EFHB: variants seen among roughly 807,000 people sequenced by gnomAD.
EFHB encodes the protein EF-hand domain-containing family member B.
Under a neutral mutation model 87.2 loss-of-function variants are expected in EFHB, and 91 were observed. That is an observed-to-expected ratio of 1.04 (90% CI 0.88 to 1.24). The LOEUF (loss-of-function observed/expected upper bound fraction) is 1.24. Ranked by LOEUF, EFHB falls within the 50% of genes most tolerant of loss-of-function variation. The pLI, the probability that EFHB is intolerant of heterozygous loss-of-function variation, is 0.00. For missense variants in EFHB, 1,084 were observed against 998.8 expected (o/e 1.09, Z -1.15); for synonymous variants, 325 against 333.6 (o/e 0.97, Z 0.28).
intron 1 of EFHB, among the ~76,000 whole-genome samples, chr3:19,939,702 T>A (rs1369479696): frequency 6.7e-6 from 1 of 148,312 alleles, no homozygotes; most frequent in Non-Finnish European, 1.5e-5. Context: ...CCCTCTTTCA[T>A]GCTCCCATAG....
chr3:19,906,936 A>C (rs968028207), intron 5 of EFHB, among the ~76,000 whole-genome samples: 1 of 152,130 alleles, frequency 6.6e-6, no homozygotes, highest in African/African-American at 2.4e-5. Flanking sequence ...ATTTTCAACA[A>C]GGGCAGCAAG....
intron 1 of EFHB, among the ~76,000 whole-genome samples, chr3:19,944,859 G>A (rs1442525569): frequency 1.3e-5 from 2 of 152,160 alleles, no homozygotes; most frequent in African/African-American, 2.4e-5. Context: ...GCAGTCAAGG[G>A]TCTTCTGTGA....
chr3:19,882,436 T>A, intron 12 of EFHB, 114 bp downstream of exon 12: 3 of 976,210 alleles, frequency 3.1e-6, no homozygotes, highest in Non-Finnish European at 4.2e-6. Flanking sequence ...AAGAATCCTA[T>A]ACTTGGGGAT....
At chr3:19,945,496 A>G (rs1198942788) in intron 1 of EFHB, among the ~76,000 whole-genome samples, 4 of 152,132 alleles carry the variant, frequency 2.6e-5, no homozygotes, top group Admixed American at 6.6e-5. Flanking sequence ...GTTTGTGAGG[A>G]GAAGAAAGAG....
At chr3:19,912,825 T>C (rs950257632) in intron 5 of EFHB, among the ~76,000 whole-genome samples, 3 of 152,216 alleles carry the variant, frequency 2.0e-5, no homozygotes, top group African/African-American at 7.2e-5. Flanking sequence ...TTTAAGATAA[T>C]ATTTGCAAGT....
At chr3:19,925,890 A>G (rs1330739276) in intron 1 of EFHB, among the ~76,000 whole-genome samples, 1 of 152,204 alleles carries the variant, frequency 6.6e-6, no homozygotes, top group African/African-American at 2.4e-5. Flanking sequence ...TGTTTTACTC[A>G]GAGAGATCCC....
At chr3:19,904,396 G>A (rs1166925486) in intron 6 of EFHB, among the ~76,000 whole-genome samples, 1 of 152,138 alleles carries the variant, frequency 6.6e-6, no homozygotes, top group African/African-American at 2.4e-5. Flanking sequence ...TAGAGATGGT[G>A]TCTTGCTATG....
chr3:19,946,643 C>G (rs1696289913), intron 1 of EFHB, among the ~76,000 whole-genome samples: 2 of 152,106 alleles, frequency 1.3e-5, no homozygotes, highest in Non-Finnish European at 2.9e-5. Flanking sequence ...CCTTTACCGA[C>G]CTACCCAACC....
intron 11 of EFHB, 141 bp from the exon 12 acceptor site, chr3:19,882,872 A>G: frequency 1.6e-6 from 1 of 608,732 alleles, no homozygotes; most frequent in Non-Finnish European, 2.4e-6. Flanking sequence ...AAATTCAAAC[A>G]TTTTAGTAAA....
In EFHB at chr3:19,908,587, AGAG is replaced by A. The variant is rs1559459642; in HGVS notation, c.1289-2841_1289-2839del. ...AAGAGAGAGAGAGAGAGAGAGAGAGAGAGAGAGAGAGAGAAAGAAAGAAAGAAA... is the reference window on the plus strand; with the variant it reads ...AAGAGAGAGAGAGAGAGAGAGAGAGAAGAGAGAGAGAAAGAAAGAAAGAAA... On this transcript the variant is annotated intron_variant, in intron 5 of 12. Transcript: ENST00000295824. 1.3e-3 allele frequency among the ~76,000 whole-genome samples: 159 copies of A among 124,966 alleles called. 1 individual carries two copies. Among genetic ancestry groups the A allele is most frequent in the African/African-American group, 5.4e-3 (145 of 27,096 alleles). 82.0% of individuals were successfully genotyped at this position (124,966 alleles called of 152,430 possible).
chr3:19,929,013 T>C (rs777214159), intron 1 of EFHB, among the ~76,000 whole-genome samples: 3 of 152,044 alleles, frequency 2.0e-5, no homozygotes, highest in Non-Finnish European at 4.4e-5. Flanking sequence ...CAATTTTCAA[T>C]CTAATTATAA....
intron 6 of EFHB, among the ~76,000 whole-genome samples, chr3:19,900,197 C>T (rs757586189): frequency 2.0e-5 from 3 of 152,006 alleles, no homozygotes; most frequent in Non-Finnish European, 2.9e-5. Flanking sequence ...GAGGATCAAT[C>T]GAGGCTAGGA....
chr3:19,936,632 C>G (rs552137752), upstream of EFHB, among the ~76,000 whole-genome samples: 1 of 152,186 alleles, frequency 6.6e-6, no homozygotes, highest in Admixed American at 6.5e-5. Flanking sequence ...CTGTGGGAGG[C>G]CTAGGCGGGT....
At chr3:19,910,204 G>A (rs1388351067) in intron 5 of EFHB, among the ~76,000 whole-genome samples, 1 of 151,994 alleles carries the variant, frequency 6.6e-6, no homozygotes, top group Non-Finnish European at 1.5e-5. Context: ...TTCTAGACCT[G>A]CTCTGGGCCA....
At chr3:19,886,004 C>T (rs1694087762) in intron 10 of EFHB, among the ~76,000 whole-genome samples, 1 of 152,080 alleles carries the variant, frequency 6.6e-6, no homozygotes, top group African/African-American at 2.4e-5. Flanking sequence ...CAGTTTCTAC[C>T]CTAAAATCAT....
chr3:19,904,734 T>A (rs1336310160), intron 6 of EFHB, among the ~76,000 whole-genome samples: 1 of 152,186 alleles, frequency 6.6e-6, no homozygotes, highest in Non-Finnish European at 1.5e-5. Flanking sequence ...CTTAATTATA[T>A]CTACAAAGAC....
chr3:19,933,638 C>G lies in EFHB; in HGVS notation c.381G>C (p.Gln127His). 1 of 1,613,996 alleles carries G rather than the reference C, an allele frequency of 6.2e-7. No homozygotes were observed. The highest frequency in any genetic ancestry group is 1.1e-5 in the South Asian group (1 of 91,084). The change falls in exon 1 of 13, where the codon CAG becomes CAC. Residue 127 changes from glutamine (Q) to histidine (H), a missense_variant. Gln to His is a conservative substitution (Grantham distance 24). Transcript: ENST00000295824. The stretch of plus-strand genomic sequence containing the variant: ...TTCCACACACCCTGCCCAAAGGAGG[C>G]TGTATTATCCGTTCATGGGTATATC... Reference protein sequence around the residue: ...LAGYTHERIIQPPLGRVCGSS... With the variant: ...LAGYTHERIIHPPLGRVCGSS...
chr3:19,918,549 A>G, intron 3 of EFHB, 137 bp from the exon 4 acceptor site: 1 of 827,606 alleles, frequency 1.2e-6, no homozygotes. Context: ...GGCTTTGCTC[A>G]CCTTCAAATG....
At chr3:19,884,703 T>C (rs1694033292) in intron 10 of EFHB, 88 bp from the exon 11 acceptor site, 1 of 1,285,138 alleles carries the variant, frequency 7.8e-7, no homozygotes, top group East Asian at 2.3e-5. Flanking sequence ...TTTTCCCATC[T>C]AGTCTCTTCT....
Sources: gnomAD v4.1 joint callset for allele counts (sites outside exome capture counted in the v4.1 genomes callset) on GRCh38, gnomAD v4.1.1 for gene constraint, MANE v1.5 for transcripts, NCBI Gene and HGNC (gene_info 2026-07-23, HGNC 2026-07-21) for gene names.